The following SUCLG2 variants were observed in gnomAD, a reference collection of about 807,000 sequenced individuals.
The protein encoded by SUCLG2 is succinate-CoA ligase GDP-forming subunit beta, also known as succinate--CoA ligase [GDP-forming] subunit beta, mitochondrial.
A neutral mutation model predicts 47.9 loss-of-function variants in SUCLG2; 42 were observed. The observed-to-expected ratio is 0.88, with a 90% CI of 0.69 to 1.14. SUCLG2 has a LOEUF of 1.14. Ranked by LOEUF, SUCLG2 falls within the 50% of genes most tolerant of loss-of-function variation. SUCLG2 has a pLI of 0.00. For missense variants in SUCLG2, 571 were observed against 525.9 expected (o/e 1.09, Z -0.84); for synonymous variants, 195 against 197.3 (o/e 0.99, Z 0.10).
intron 6 of SUCLG2, chr3:67,514,089 G>C (rs931805602): frequency 2.9e-6 from 1 of 339,782 alleles, no homozygotes; most frequent in African/African-American, 2.2e-5. Flanking sequence ...ACTTGCTTCA[G>C]TACAACGACC....
chr3:67,581,820 T>C (rs1225823335), intron 2 of SUCLG2, among the ~76,000 whole-genome samples: 1 of 152,210 alleles, frequency 6.6e-6, no homozygotes, highest in Non-Finnish European at 1.5e-5. Context: ...CGGTGGTATT[T>C]AAGGCAACTT....
intron 9 of SUCLG2, among the ~76,000 whole-genome samples, chr3:67,485,790 T>C (rs540380247): frequency 7.6e-4 from 116 of 152,350 alleles, no homozygotes; most frequent in African/African-American, 2.6e-3. Context: ...AACTGAAACG[T>C]TGAAAAACTA....
chr3:67,583,614 T>C (rs907577417), intron 2 of SUCLG2, among the ~76,000 whole-genome samples: 3 of 152,198 alleles, frequency 2.0e-5, no homozygotes, highest in African/African-American at 4.8e-5. Context: ...GTTTAGAGTC[T>C]CACCAAGCTA....
At position 67,493,365 on chromosome 3, in the gene SUCLG2, T is replaced by C. The variant is rs2107052578; in HGVS notation, c.1062+2433A>G. On this transcript the variant is annotated intron_variant, in intron 9 of 10. Coordinates refer to ENST00000307227, the MANE Select transcript of SUCLG2 (RefSeq NM_003848.4). ...CTGATATAGCATGAGAAAAATAAAATAACTCCCACATACCTTTATCTACCC... is the reference window on the plus strand; with the variant it reads ...CTGATATAGCATGAGAAAAATAAAACAACTCCCACATACCTTTATCTACCC... Among the ~76,000 whole-genome samples the C allele has an allele frequency of 2.0e-5, 3 of 152,274 alleles. 1 individual carries two copies. In the South Asian group the frequency reaches 6.2e-4, roughly 32 times the overall value.
At chr3:67,361,620 A>C (rs1701804800) in intron 10 of SUCLG2, among the ~76,000 whole-genome samples, 1 of 152,210 alleles carries the variant, frequency 6.6e-6, no homozygotes. Flanking sequence ...TGCAGCGACT[A>C]AAATGGCCTG....
At chr3:67,394,231 A>G (rs1428848803) in intron 10 of SUCLG2, among the ~76,000 whole-genome samples, 1 of 152,170 alleles carries the variant, frequency 6.6e-6, no homozygotes, top group African/African-American at 2.4e-5. Context: ...TCCGAGCTAC[A>G]GGAGGAAATT....
At chr3:67,457,571 A>C (rs1704216593) in intron 9 of SUCLG2, among the ~76,000 whole-genome samples, 1 of 151,306 alleles carries the variant, frequency 6.6e-6, no homozygotes, top group African/African-American at 2.4e-5. Flanking sequence ...AAAACTGTGG[A>C]TAGTGGTGTT....
intron 9 of SUCLG2, among the ~76,000 whole-genome samples, chr3:67,414,378 G>A (rs186292186): frequency 1.3e-5 from 2 of 152,314 alleles, no homozygotes; most frequent in East Asian, 1.9e-4. Flanking sequence ...GTACATTGAT[G>A]TTGGGGGTAC....
intron 1 of SUCLG2, among the ~76,000 whole-genome samples, chr3:67,654,173 A>G (rs1701339407): frequency 6.6e-6 from 1 of 152,204 alleles, no homozygotes; most frequent in Admixed American, 6.5e-5. Flanking sequence ...CAGGGCTCCA[A>G]AACCCGGTCC....
intron 2 of SUCLG2, among the ~76,000 whole-genome samples, chr3:67,602,702 G>A (rs971942126): frequency 1.3e-5 from 2 of 152,058 alleles, no homozygotes; most frequent in African/African-American, 4.8e-5. Flanking sequence ...TTAAATTCAG[G>A]TGCTCCTTTA....
At chr3:67,565,265 T>C (rs558640360) in intron 2 of SUCLG2, among the ~76,000 whole-genome samples, 4 of 152,222 alleles carry the variant, frequency 2.6e-5, no homozygotes, top group South Asian at 2.1e-4. Context: ...TTTAGTCACA[T>C]ATACTCTATA....
chr3:67,596,254 A>G (rs946012528), intron 2 of SUCLG2, among the ~76,000 whole-genome samples: 25 of 152,204 alleles, frequency 1.6e-4, no homozygotes, highest in African/African-American at 5.5e-4. Context: ...CCTCAACACA[A>G]GTAACTAGCT....
At chr3:67,411,943 G>GA (rs1316818057) in intron 9 of SUCLG2, among the ~76,000 whole-genome samples, 2 of 152,150 alleles carry the variant, frequency 1.3e-5, no homozygotes, top group Non-Finnish European at 2.9e-5. Flanking sequence ...GGGCTCCTCT[G>GA]AAATCCCTGG....
intron 10 of SUCLG2, among the ~76,000 whole-genome samples, chr3:67,363,799 T>A (rs1245549690): frequency 1.3e-5 from 1 of 74,590 alleles, no homozygotes; most frequent in Non-Finnish European, 2.6e-5. Flanking sequence ...CCCCCCAACC[T>A]CACCCCCTGC....
chr3:67,540,456 C>T (rs927691223), intron 2 of SUCLG2, among the ~76,000 whole-genome samples: 1 of 151,808 alleles, frequency 6.6e-6, no homozygotes, highest in Non-Finnish European at 1.5e-5. Context: ...CAGAGCCCAC[C>T]GCAGCGTGGC....
chr3:67,562,620 T>G (rs191950063), intron 2 of SUCLG2, among the ~76,000 whole-genome samples: 42 of 152,344 alleles, frequency 2.8e-4, no homozygotes, highest in Non-Finnish European at 5.6e-4. Context: ...CCCAATTTTA[T>G]GTAATAAAGA....
At chr3:67,615,394 G>A (rs1004464481) in intron 1 of SUCLG2, among the ~76,000 whole-genome samples, 6 of 147,460 alleles carry the variant, frequency 4.1e-5, no homozygotes, top group Admixed American at 2.0e-4. Context: ...CCCTGAGCTC[G>A]ACACCCCTGA....
At chr3:67,451,283 A>G (rs562646862) in intron 9 of SUCLG2, among the ~76,000 whole-genome samples, 1 of 152,336 alleles carries the variant, frequency 6.6e-6, no homozygotes, top group East Asian at 1.9e-4. Context: ...CACCTCCTCC[A>G]TGAGACATGC....
Position 67,530,815 on chromosome 3 carries a change from T to C in SUCLG2, c.227-1629A>G, listed in dbSNP as rs899206541. 2.6e-5 allele frequency among the ~76,000 whole-genome samples: 4 copies of C among 152,348 alleles called. 1 individual carries two copies. In the South Asian group the frequency reaches 6.2e-4, roughly 24 times the overall value. ...ACAACATTGGTCAAGCCCTGTCTTA[T>C]AATAAACTGGTTTCCATCAAGCTGA... is the stretch of plus-strand genomic sequence containing the variant. On this transcript the variant is annotated intron_variant, in intron 2 of 10. Transcript: ENST00000307227.
Sources: gnomAD v4.1 joint callset for allele counts (sites outside exome capture counted in the v4.1 genomes callset) on GRCh38, gnomAD v4.1.1 for gene constraint, MANE v1.5 for transcripts, NCBI Gene and HGNC (gene_info 2026-07-23, HGNC 2026-07-21) for gene names.